WDR72: variants seen among roughly 807,000 people sequenced by gnomAD.
WDR72 encodes WD repeat domain 72.
A neutral mutation model predicts 124.2 loss-of-function variants in WDR72; 120 were observed. The observed-to-expected ratio is 0.97, with a 90% CI of 0.83 to 1.12. The LOEUF (loss-of-function observed/expected upper bound fraction) is 1.12. WDR72 is among the 50% of genes most tolerant of loss of function. The pLI is 0.00. For missense variants in WDR72, 1,387 were observed against 1,278.8 expected (o/e 1.08, Z -1.29); for synonymous variants, 452 against 441.7 (o/e 1.02, Z -0.29).
intron 18 of WDR72, among the ~76,000 whole-genome samples, chr15:53,525,540 C>T (rs1445760400): frequency 2.6e-5 from 4 of 152,042 alleles, no homozygotes; most frequent in Non-Finnish European, 5.9e-5. Flanking sequence ...AGGGACCTCA[C>T]AGAGGAAGAG....
chr15:53,652,844 C>T (rs1187166742), intron 14 of WDR72, among the ~76,000 whole-genome samples: 1 of 152,144 alleles, frequency 6.6e-6, no homozygotes, highest in Non-Finnish European at 1.5e-5. Context: ...TCTATGCCCA[C>T]CTTACCCAAA....
intron 18 of WDR72, among the ~76,000 whole-genome samples, chr15:53,552,733 C>T (rs935569198): frequency 5.3e-5 from 8 of 152,062 alleles, no homozygotes; most frequent in African/African-American, 1.9e-4. Context: ...AGACTGCTTC[C>T]AAACATCCTC....
chr15:53,753,872 A>C (rs2169344), intron 1 of WDR72, among the ~76,000 whole-genome samples: 41,523 of 152,052 alleles, frequency 0.27, 7,005 homozygotes, highest in East Asian at 0.46. Context: ...GTTATTAGGA[A>C]AAGAAGGCTA....
Position 53,514,022 on chromosome 15 carries a change from T to C in WDR72, c.*3677A>G, listed in dbSNP as rs555178260. 3 of 152,296 alleles carry C rather than the reference T, an allele frequency of 2.0e-5. No individual in the cohort carries two copies. The highest frequency in any genetic ancestry group is 7.2e-5 in the African/African-American group (3 of 41,586). The allele number at this position is 152,296 out of a possible 1,614,324, so 9.4% of individuals were successfully genotyped here. A position where few individuals can be genotyped will look rare whatever the true frequency, so the allele number is the denominator to read the frequency against. On this transcript the variant is annotated 3_prime_UTR_variant, in exon 20 of 20. Coordinates refer to ENST00000360509, the MANE Select transcript of WDR72 (RefSeq NM_182758.4). ...TCTGTAGGCTCCTTCTTGAGCAAAC[T>C]ACAGTGCGAGGTGATCTGGGGACTA...
intron 14 of WDR72, among the ~76,000 whole-genome samples, chr15:53,641,112 T>C (rs1247671496): frequency 6.6e-6 from 1 of 152,094 alleles, no homozygotes; most frequent in East Asian, 1.9e-4. Context: ...ATTTAAAATT[T>C]TTATTCATCT....
At chr15:53,550,854 C>A (rs1003846230) in intron 18 of WDR72, among the ~76,000 whole-genome samples, 3 of 152,094 alleles carry the variant, frequency 2.0e-5, no homozygotes, top group Non-Finnish European at 4.4e-5. Flanking sequence ...CACAGGCTCT[C>A]CATCTCTTAT....
rs772830123 is a variant in WDR72, at chr15:53,711,459, G to GA, written c.733dup (p.Ser245PhefsTer6). The GA allele has an allele frequency of 2.9e-5, 46 of 1,613,850 alleles. 1 individual carries two copies. Among genetic ancestry groups the GA allele is most frequent in the Non-Finnish European group, 3.5e-5 (41 of 1,180,018 alleles). ...TCTACTAACTTCAGTCAGCAGAAGG[G>GA]AAAAATCACAATAATCATAAACCTA... is the stretch of plus-strand genomic sequence containing the variant. On this transcript the variant is annotated frameshift_variant, in exon 8 of 20. Coordinates refer to ENST00000360509, the MANE Select transcript of WDR72 (RefSeq NM_182758.4). LOFTEE classifies it high-confidence loss of function.
chr15:53,689,651 A>G (rs868409471), intron 13 of WDR72, among the ~76,000 whole-genome samples: 1 of 149,364 alleles, frequency 6.7e-6, no homozygotes, highest in African/African-American at 2.5e-5. Flanking sequence ...TGTGGAAGTC[A>G]GTGTGGCGAT....
At position 53,722,919 on chromosome 15, in the gene WDR72, TGA is replaced by T. The variant is rs770927077; in HGVS notation, c.154-13_154-12del. On this transcript the variant is annotated splice_polypyrimidine_tract_variant and intron_variant, in intron 2 of 19. Transcript: ENST00000360509. ...TTCTTTCGCTGAAATCTGAAAATAATGAGAGTGAGCTTTTAAATAATTGTAAA... is the reference window on the plus strand; with the variant it reads ...TTCTTTCGCTGAAATCTGAAAATAATGAGTGAGCTTTTAAATAATTGTAAA... 2 of 1,607,864 alleles carry T rather than the reference TGA, an allele frequency of 1.2e-6. No homozygotes were observed. Among genetic ancestry groups the T allele is most frequent in the East Asian group, 4.5e-5 (2 of 44,828 alleles).
chr15:53,682,899 G>C (rs915053519), intron 13 of WDR72, among the ~76,000 whole-genome samples: 3 of 152,206 alleles, frequency 2.0e-5, no homozygotes, highest in East Asian at 1.9e-4. Context: ...AAATAACAGA[G>C]ACTGGACAAT....
chr15:53,625,518 T>C (rs909716592), intron 14 of WDR72, among the ~76,000 whole-genome samples: 1 of 152,190 alleles, frequency 6.6e-6, no homozygotes, highest in Non-Finnish European at 1.5e-5. Flanking sequence ...AGTAAAATAA[T>C]GCTGATACAT....
chr15:53,698,842 T>C (rs2017083158), intron 13 of WDR72, among the ~76,000 whole-genome samples: 2 of 152,124 alleles, frequency 1.3e-5, no homozygotes, highest in Non-Finnish European at 2.9e-5. Flanking sequence ...CCTCAGAAGT[T>C]GTGAGAATCT....
chr15:53,721,031 C>T (rs1347817693), intron 3 of WDR72, among the ~76,000 whole-genome samples: 1 of 152,066 alleles, frequency 6.6e-6, no homozygotes, highest in Admixed American at 6.6e-5. Context: ...GTAATAATTT[C>T]CAGTGAATAA....
intron 18 of WDR72, among the ~76,000 whole-genome samples, chr15:53,538,043 T>C (rs140506271): frequency 2.0e-5 from 3 of 152,288 alleles, no homozygotes; most frequent in African/African-American, 7.2e-5. Context: ...CTTCTGACAA[T>C]GCTGACCAGA....
At chr15:53,591,405 A>G (rs1366963449) in intron 18 of WDR72, among the ~76,000 whole-genome samples, 1 of 152,028 alleles carries the variant, frequency 6.6e-6, no homozygotes, top group African/African-American at 2.4e-5. Context: ...AAAATAGCAT[A>G]TCAAATCGCC....
intron 1 of WDR72, among the ~76,000 whole-genome samples, chr15:53,757,922 G>C (rs1215388757): frequency 6.6e-6 from 1 of 151,852 alleles, no homozygotes; most frequent in African/African-American, 2.4e-5. Flanking sequence ...CAGTTCATTG[G>C]GTAGAGACCG....
intron 14 of WDR72, among the ~76,000 whole-genome samples, chr15:53,639,511 TATA>T (rs966095492): frequency 3.4e-5 from 5 of 146,918 alleles, no homozygotes; most frequent in African/African-American, 9.9e-5. Flanking sequence ...TAAAATTATA[TATA>T]ATTTTATTTA....
chr15:53,720,345 G>A (rs10518736), intron 3 of WDR72, among the ~76,000 whole-genome samples: 32,349 of 152,002 alleles, frequency 0.21, 3,706 homozygotes, highest in East Asian at 0.42. Flanking sequence ...CCAGAATCGC[G>A]TGTGTGTGAA....
chr15:53,728,603 T>C (rs939561179), intron 2 of WDR72, among the ~76,000 whole-genome samples: 26 of 152,212 alleles, frequency 1.7e-4, no homozygotes, highest in Non-Finnish European at 4.4e-5. Flanking sequence ...TCTTCTTCAT[T>C]TTATTGTGTT....
Sources: gnomAD v4.1 joint callset for allele counts (sites outside exome capture counted in the v4.1 genomes callset) on GRCh38, gnomAD v4.1.1 for gene constraint, MANE v1.5 for transcripts, NCBI Gene and HGNC (gene_info 2026-07-23, HGNC 2026-07-21) for gene names.